RARB: variants seen among roughly 807,000 people sequenced by gnomAD.
RARB encodes the protein retinoic acid receptor beta.
Under a neutral mutation model 51.9 loss-of-function variants are expected in RARB, and 17 were observed. The observed-to-expected ratio is 0.33, with a 90% CI of 0.22 to 0.49. The LOEUF (loss-of-function observed/expected upper bound fraction) is 0.49, where lower values mean the gene tolerates loss of function less well. RARB is among the 20% of genes least tolerant of loss of function. RARB has a pLI of 0.99. For synonymous variants in RARB, 215 were observed against 195.4 expected (o/e 1.10, Z -0.84); for missense variants, 369 against 550.8 (o/e 0.67, Z 3.30).
At chr3:25,307,957 C>G (rs971328208) in intron 5 of RARB, among the ~76,000 whole-genome samples, 1 of 152,182 alleles carries the variant, frequency 6.6e-6, no homozygotes, top group African/African-American at 2.4e-5. Flanking sequence ...GGAATAGAGA[C>G]CATATGGCCA....
intron 5 of RARB, among the ~76,000 whole-genome samples, chr3:25,371,705 G>A (rs553372570): frequency 5.9e-5 from 9 of 152,312 alleles, no homozygotes; most frequent in Admixed American, 2.0e-4. Flanking sequence ...AACACACAAA[G>A]CCAATCAACC....
chr3:25,467,834 G>A (rs542983511), intron 2 of RARB, among the ~76,000 whole-genome samples: 172 of 152,252 alleles, frequency 1.1e-3, no homozygotes, highest in Non-Finnish European at 1.9e-3. Flanking sequence ...TAAGTTTCAG[G>A]CCCTATGCCG....
rs190727637 is a variant in RARB, at chr3:24,991,783, C to T, written c.-379-68342C>T. 1.5e-3 allele frequency among the ~76,000 whole-genome samples: 219 copies of T among 150,920 alleles called. 3 individuals are homozygous for T. The highest frequency in any genetic ancestry group is 7.5e-4 in the Non-Finnish European group (51 of 67,736). On this transcript the variant is annotated intron_variant, in intron 2 of 11. Transcript: ENST00000383772. ...GGTGTTTTTTTTTTTTCCCTCCCTG[C>T]TCCCCTTAACCTCCTTTAATGTAAT...
intron 2 of RARB, among the ~76,000 whole-genome samples, chr3:24,882,670 T>C (rs1412590118): frequency 1.3e-5 from 2 of 152,196 alleles, no homozygotes; most frequent in African/African-American, 4.8e-5. Flanking sequence ...CTTACATTTT[T>C]CATAGTTTAA....
chr3:25,383,433 A>G (rs1185230517), intron 5 of RARB, among the ~76,000 whole-genome samples: 1 of 152,218 alleles, frequency 6.6e-6, no homozygotes, highest in Non-Finnish European at 1.5e-5. Flanking sequence ...CTGTATTGAT[A>G]GCCTTTGCTA....
intron 2 of RARB, among the ~76,000 whole-genome samples, chr3:24,967,223 A>G (rs1696295372): frequency 1.3e-5 from 2 of 152,068 alleles, no homozygotes; most frequent in South Asian, 4.1e-4. Context: ...CGTTGGTCAC[A>G]GTTGGTATCA....
At chr3:25,169,286 G>A (rs1166297546) in intron 4 of RARB, among the ~76,000 whole-genome samples, 2 of 152,140 alleles carry the variant, frequency 1.3e-5, no homozygotes, top group Non-Finnish European at 2.9e-5. Context: ...AGCAATAATA[G>A]AAAGTCCTAG....
intron 1 of RARB, among the ~76,000 whole-genome samples, chr3:25,441,917 T>G (rs1183247472): frequency 6.6e-6 from 1 of 152,154 alleles, no homozygotes; most frequent in African/African-American, 2.4e-5. Context: ...TGAACCCACA[T>G]GTATGTTCTA....
intron 3 of RARB, among the ~76,000 whole-genome samples, chr3:25,529,127 G>A (rs1266933622): frequency 6.6e-6 from 1 of 151,996 alleles, no homozygotes; most frequent in Non-Finnish European, 1.5e-5. Flanking sequence ...GGATACAACA[G>A]TTTTGAAAAA....
intron 2 of RARB, among the ~76,000 whole-genome samples, chr3:25,003,209 A>AAAAAAAAC (rs1697204472): frequency 6.6e-6 from 1 of 151,532 alleles, no homozygotes; most frequent in African/African-American, 2.4e-5. Context: ...AAAAAAAAAA[A>AAAAAAAAC]CTGCTTTTGA....
intron 5 of RARB, among the ~76,000 whole-genome samples, chr3:25,194,582 A>G (rs1444673964): frequency 6.6e-6 from 1 of 151,088 alleles, no homozygotes; most frequent in African/African-American, 2.4e-5. Flanking sequence ...ATTTAATAAA[A>G]AGATTACCCG....
chr3:24,850,447 T>C (rs1403396583), intron 1 of RARB, among the ~76,000 whole-genome samples: 1 of 152,170 alleles, frequency 6.6e-6, no homozygotes, highest in Non-Finnish European at 1.5e-5. Flanking sequence ...CTCAACAGGA[T>C]GGGGATGTTA....
At chr3:25,454,446 C>T (rs1694791324) in intron 1 of RARB, among the ~76,000 whole-genome samples, 3 of 152,234 alleles carry the variant, frequency 2.0e-5, no homozygotes, top group Admixed American at 2.0e-4. Context: ...ATTCGGAGCT[C>T]TGGGCTCAAA....
chr3:25,533,486 T>C (rs1434044910), intron 3 of RARB, among the ~76,000 whole-genome samples: 1 of 152,230 alleles, frequency 6.6e-6, no homozygotes, highest in African/African-American at 2.4e-5. Context: ...CTTGGGCTTT[T>C]AGTTCTCCAT....
chr3:25,483,911 C>G (rs1294750662), intron 2 of RARB, among the ~76,000 whole-genome samples: 1 of 152,198 alleles, frequency 6.6e-6, no homozygotes, highest in Admixed American at 6.5e-5. Context: ...ATATTGGGCA[C>G]TCACAAATAT....
intron 3 of RARB, among the ~76,000 whole-genome samples, chr3:25,105,231 C>T (rs549181306): frequency 6.6e-5 from 10 of 152,182 alleles, no homozygotes; most frequent in African/African-American, 2.4e-4. Flanking sequence ...AGCATCTACA[C>T]ACCACTGGAC....
Position 25,181,560 on chromosome 3 carries a change from C to T in RARB, c.178+6985C>T, listed in dbSNP as rs569060122. Among the ~76,000 whole-genome samples the T allele has an allele frequency of 2.9e-3, 442 of 152,206 alleles. 2 individuals are homozygous for T. Among genetic ancestry groups the T allele is most frequent in the South Asian group, 0.014 (69 of 4,822 alleles). On this transcript the variant is annotated intron_variant, in intron 5 of 11. Coordinates refer to the RARB transcript ENST00000383772. Reference sequence around the variant, plus strand: ...GAGGCTTAATGTCCTGCAATGTATGCGATAGTTGCAAATAATAAAGAAGTG... The same window carrying T: ...GAGGCTTAATGTCCTGCAATGTATGTGATAGTTGCAAATAATAAAGAAGTG...
chr3:24,875,313 G>A (rs1248878590), intron 2 of RARB, among the ~76,000 whole-genome samples: 4 of 152,080 alleles, frequency 2.6e-5, no homozygotes, highest in Non-Finnish European at 5.9e-5. Context: ...TTGTAAGCCT[G>A]GCTTAGGCCA....
At chr3:25,111,576 A>G (rs1194350334) in intron 3 of RARB, among the ~76,000 whole-genome samples, 1 of 141,968 alleles carries the variant, frequency 7.0e-6, no homozygotes, top group Non-Finnish European at 1.5e-5. Context: ...CTCCGTTTCT[A>G]ACAGTGGTTT....
Sources: gnomAD v4.1 joint callset for allele counts (sites outside exome capture counted in the v4.1 genomes callset) on GRCh38, gnomAD v4.1.1 for gene constraint, MANE v1.5 for transcripts, NCBI Gene and HGNC (gene_info 2026-07-23, HGNC 2026-07-21) for gene names.